RGL4: variants seen among roughly 807,000 people sequenced by gnomAD.
RGL4 encodes ral-GDS-related protein.
A neutral mutation model predicts 49.6 loss-of-function variants in RGL4; 41 were observed. The ratio of observed to expected loss-of-function variants is 0.83; its 90% CI spans 0.64 to 1.07. RGL4 has a LOEUF of 1.07. RGL4 is among the 50% of genes least tolerant of loss of function. RGL4 has a pLI of 0.00. For missense variants in RGL4, 610 were observed against 591.9 expected (o/e 1.03, Z -0.32); for synonymous variants, 255 against 238.0 (o/e 1.07, Z -0.66).
intron 5 of RGL4, chr22:23,694,720 T>C (rs944717730): frequency 1.5e-5 from 9 of 594,698 alleles, no homozygotes; most frequent in African/African-American, 1.3e-4. Flanking sequence ...TGTGTCCAGC[T>C]GAAAGCTAAC....
intron 3 of RGL4, 135 bp from the exon 4 acceptor site, chr22:23,693,624 T>C (rs1463377080): frequency 1.4e-6 from 1 of 736,506 alleles, no homozygotes. Context: ...TGGAGCCCAT[T>C]TTAAAGCTTT....
In RGL4 at chr22:23,697,175, T is replaced by C. The variant is rs1923563069; in HGVS notation, c.1166T>C (p.Val389Ala). 1 of 1,609,558 alleles carries C rather than the reference T, an allele frequency of 6.2e-7. No homozygotes were observed. Among genetic ancestry groups the C allele is most frequent in the East Asian group, 2.2e-5 (1 of 44,826 alleles). Residue 389 changes from valine (V) to alanine (A), a missense_variant, in exon 8 of 11, where the codon GTG (valine) becomes GCG (alanine). Coordinates refer to ENST00000290691, the MANE Select transcript of RGL4 (RefSeq NM_153615.2). ...CCCCACCCCTCCTTGGCACAGGGTG[T>C]GGTCCCCTTCCTGGGGGATTTTCTG... ...QMRLRRQKKG[V>A]VPFLGDFLTE...
chr22:23,696,983 G>A (rs1233049089), intron 7 of RGL4, among the ~76,000 whole-genome samples, 188 bp from the exon 8 acceptor site: 1 of 152,204 alleles, frequency 6.6e-6, no homozygotes, highest in Non-Finnish European at 1.5e-5. Flanking sequence ...GGTCAGCTGG[G>A]ATACAGGAGG....
In RGL4 at chr22:23,693,797, C is replaced by T; in HGVS notation, c.735C>T (p.Gly245=). Reference sequence around the variant, plus strand: ...AGGTGGTGCTCCACGAATGCTTGGGCTGCATCTGGGGCCAAGGACATCTGA... The same window carrying T: ...AGGTGGTGCTCCACGAATGCTTGGGTTGCATCTGGGGCCAAGGACATCTGA... The part of the protein sequence containing the change: ...FKKVVLHECL[G]CIWGQGHLKG... Residue 245 remains glycine (G), a synonymous_variant, in exon 4 of 11, where the codon GGC becomes GGT. Coordinates refer to ENST00000290691, the MANE Select transcript of RGL4 (RefSeq NM_153615.2). 1 of 1,614,120 alleles carries T rather than the reference C, an allele frequency of 6.2e-7. No individual in the cohort carries two copies. Among genetic ancestry groups the T allele is most frequent in the South Asian group, 1.1e-5 (1 of 91,084 alleles).
chr22:23,692,492 T>A lies in RGL4; in HGVS notation c.337T>A (p.Leu113Met), dbSNP rs758019232. The change falls in exon 2 of 11, where the codon TTG becomes ATG. Residue 113 changes from leucine to methionine, a missense_variant. Leu to Met is a conservative substitution (Grantham distance 15). Transcript: ENST00000290691. ...CCATCAGGAAATTGTCCTAGGCCAGTTGGTGCTTCCGGAGCCCAACGAGGC... is the reference window on the plus strand; with the variant it reads ...CCATCAGGAAATTGTCCTAGGCCAGATGGTGCTTCCGGAGCCCAACGAGGC... ...EDHQEIVLGQLVLPEPNEAKP... is the reference protein window; with the variant it reads ...EDHQEIVLGQMVLPEPNEAKP... 5 of 1,614,070 alleles carry A rather than the reference T, an allele frequency of 3.1e-6. No homozygotes were observed. The highest frequency in any genetic ancestry group is 1.7e-5 in the Admixed American group (1 of 60,024).
Position 23,697,908 on chromosome 22 carries a change from G to A in RGL4, c.1260+47G>A, listed in dbSNP as rs558754493. Reference sequence around the variant, plus strand: ...GTTGGATGAGGGTGGGGATGTGGACGTCACAGTCCACCCTGGGCAGGACAC... The same window carrying A: ...GTTGGATGAGGGTGGGGATGTGGACATCACAGTCCACCCTGGGCAGGACAC... On this transcript the variant is annotated intron_variant, in intron 9 of 10. Coordinates refer to ENST00000290691, the MANE Select transcript of RGL4 (RefSeq NM_153615.2). The A allele has an allele frequency of 1.8e-4, 290 of 1,580,864 alleles. 2 individuals carry two copies. In the South Asian group the frequency reaches 3.1e-3, roughly 17 times the overall value.
intron 4 of RGL4, 80 bp downstream of exon 4, chr22:23,694,054 G>A: frequency 3.8e-6 from 5 of 1,305,482 alleles, no homozygotes; most frequent in Non-Finnish European, 5.5e-6. Flanking sequence ...TTCAGGATCG[G>A]CATCTGTATC....
At position 23,691,959 on chromosome 22, in the gene RGL4, T is replaced by C. The variant is rs1435117503; in HGVS notation, c.-72T>C. On this transcript the variant is annotated 5_prime_UTR_variant, in exon 1 of 11. Transcript: ENST00000290691. ...AGCACCGTGGCTTCCCAGCTCTCCC[T>C]GTCCTCCTCCCCCCGACATCTGCCC... 2 of 1,535,758 alleles carry C rather than the reference T, an allele frequency of 1.3e-6. No homozygotes were observed. The highest frequency in any genetic ancestry group is 1.8e-6 in the Non-Finnish European group (2 of 1,126,256).
At chr22:23,698,067 A>G in intron 9 of RGL4, 145 bp from the exon 10 acceptor site, 1 of 1,249,708 alleles carries the variant, frequency 8.0e-7, no homozygotes, top group African/African-American at 1.5e-5. Flanking sequence ...GGCTGTTTAT[A>G]TCCAACTCTG....
intron 5 of RGL4, 60 bp from the exon 6 acceptor site, chr22:23,694,890 G>A (rs2123858535): frequency 3.0e-6 from 4 of 1,321,368 alleles, no homozygotes; most frequent in Middle Eastern, 1.8e-4. Context: ...AAAAGGGACT[G>A]GAACTCACAA....
At chr22:23,697,926 C>A in intron 9 of RGL4, 65 bp downstream of exon 9, 2 of 1,545,684 alleles carry the variant, frequency 1.3e-6, no homozygotes, top group South Asian at 1.2e-5. Context: ...CCACCCTGGG[C>A]AGGACACTCC....
chr22:23,692,085 T>C lies in RGL4; in HGVS notation c.55T>C (p.Tyr19His). ...AGCTGCAGTCTTGAGTGCCCAGGTGTACAGTGCTGTGCTCCAGGGCCTTTG... is the reference window on the plus strand; with the variant it reads ...AGCTGCAGTCTTGAGTGCCCAGGTGCACAGTGCTGTGCTCCAGGGCCTTTG... ...PAAAVLSAQV[Y>H]SAVLQGLWEE... Residue 19 changes from tyrosine to histidine, a missense_variant, in exon 1 of 11, where the codon TAC (tyrosine) becomes CAC (histidine). Coordinates refer to ENST00000290691, the MANE Select transcript of RGL4 (RefSeq NM_153615.2). The C allele has an allele frequency of 6.2e-7, 1 of 1,614,076 alleles. No homozygotes were observed. Among genetic ancestry groups the C allele is most frequent in the Non-Finnish European group, 8.5e-7 (1 of 1,179,962 alleles).
At position 23,693,660 on chromosome 22, in the gene RGL4, G is replaced by A. The variant is rs954468813; in HGVS notation, c.697-99G>A. On this transcript the variant is annotated intron_variant, in intron 3 of 10. Coordinates refer to ENST00000290691, the MANE Select transcript of RGL4 (RefSeq NM_153615.2). ...CTGAGCTCCAGCTTGGTTCCTGCCA[G>A]AGACCGTGGATGACTGTGAGCTCAG... 2.3e-5 allele frequency: 22 copies of A among 964,886 alleles called. No individual in the cohort carries two copies. In the African/African-American group the frequency reaches 2.9e-4, roughly 13 times the overall value. 59.8% of individuals were successfully genotyped at this position (964,886 alleles called of 1,614,324 possible). A position where few individuals can be genotyped will look rare whatever the true frequency, so the allele number is the denominator to read the frequency against.
intron 10 of RGL4, 161 bp downstream of exon 10, chr22:23,698,494 G>C (rs1211067230): frequency 1.2e-6 from 1 of 828,720 alleles, no homozygotes; most frequent in Admixed American, 2.0e-5. Flanking sequence ...CTCCCAAGCA[G>C]CTGGGACTAC....
At chr22:23,693,734 G>GT (rs1569118893) in intron 3 of RGL4, 25 bp from the exon 4 acceptor site, 2 of 1,588,972 alleles carry the variant, frequency 1.3e-6, no homozygotes, top group African/African-American at 2.7e-5. Context: ...TGCTGTGTCC[G>GT]TGACACTCTC....
Position 23,693,858 on chromosome 22 carries a change from AC to A in RGL4, c.798del (p.Ile267SerfsTer21). Reference protein sequence around the residue: ...NEHMAPTVRATIAHFNRLTNC... With the variant: ...NEHMAPTVRAXIAHFNRLTNC... Reference sequence around the variant, plus strand: ...GCACATGGCACCCACAGTTCGTGCCACCATCGCACACTTCAACAGGCTCACC... The same window carrying A: ...GCACATGGCACCCACAGTTCGTGCCACATCGCACACTTCAACAGGCTCACC... On this transcript the variant is annotated frameshift_variant, in exon 4 of 11. Transcript: ENST00000290691. LOFTEE classifies it high-confidence loss of function. 6.2e-7 allele frequency: 1 copy of A among 1,614,010 alleles called. No homozygotes were observed. The highest frequency in any genetic ancestry group is 8.5e-7 in the Non-Finnish European group (1 of 1,180,004).
chr22:23,694,052 C>T (rs1923325649), intron 4 of RGL4, 78 bp downstream of exon 4: 7 of 1,324,016 alleles, frequency 5.3e-6, no homozygotes, highest in Middle Eastern at 2.5e-4. Flanking sequence ...CTTTCAGGAT[C>T]GGCATCTGTA....
chr22:23,698,018 G>A (rs1569121291), intron 9 of RGL4, 157 bp downstream of exon 9: 2 of 1,179,860 alleles, frequency 1.7e-6, no homozygotes, highest in Non-Finnish European at 1.2e-6. Flanking sequence ...GGAGAAAATG[G>A]GAAAAGCACT....
chr22:23,694,493 G>C, intron 5 of RGL4, 43 bp downstream of exon 5: 1 of 1,341,612 alleles, frequency 7.5e-7, no homozygotes, highest in South Asian at 1.2e-5. Flanking sequence ...GTTGACCTAG[G>C]GACTCACAGG....
Sources: gnomAD v4.1 joint callset for allele counts (sites outside exome capture counted in the v4.1 genomes callset) on GRCh38, gnomAD v4.1.1 for gene constraint, MANE v1.5 for transcripts, NCBI Gene and HGNC (gene_info 2026-07-23, HGNC 2026-07-21) for gene names.